AQP3: variants seen among roughly 807,000 people sequenced by gnomAD.
AQP3 encodes aquaporin 3 (Gill blood group), also known as aquaporin-3.
In AQP3, 15 loss-of-function variants were observed where a neutral mutation model predicts 30.3. That is an observed-to-expected ratio of 0.49 (90% CI 0.33 to 0.76). AQP3 has a LOEUF of 0.76. Ranked by LOEUF, AQP3 falls within the 30% of genes least tolerant of loss-of-function variation. The pLI is 0.02. For synonymous variants in AQP3, 153 were observed against 163.2 expected, an observed-to-expected ratio of 0.94 and a Z score of 0.47; for missense variants, 272 against 384.8, an observed-to-expected ratio of 0.71 and a Z score of 2.45.
intron 1 of AQP3, among the ~76,000 whole-genome samples, chr9:33,445,641 T>G (rs1015284362): frequency 2.0e-5 from 3 of 152,106 alleles, no homozygotes; most frequent in African/African-American, 7.2e-5. Flanking sequence ...GGAGGAGCTG[T>G]CAGAGCCAGT....
chr9:33,445,175 C>T (rs1826897325), intron 1 of AQP3, among the ~76,000 whole-genome samples: 1 of 152,146 alleles, frequency 6.6e-6, no homozygotes, highest in Non-Finnish European at 1.5e-5. Flanking sequence ...TCCCCTTGTT[C>T]AAGCCTGAAA....
rs1457736941 is a variant in AQP3, at chr9:33,441,176, ATTTT to A, written c.*863_*866del. The A allele has an allele frequency of 1.3e-5, 2 of 152,528 alleles. No homozygotes were observed. Among genetic ancestry groups the A allele is most frequent in the Non-Finnish European group, 2.9e-5 (2 of 68,028 alleles). The allele number at this position is 152,528 out of a possible 1,614,324, so 9.4% of individuals were successfully genotyped here. ...AACTGGAGGTTTTAGGCACATATTT[ATTTT>A]ATTTTTTTTAATATAAAAGTAAAAG... On this transcript the variant is annotated 3_prime_UTR_variant, in exon 6 of 6. Transcript: ENST00000297991.
intron 1 of AQP3, among the ~76,000 whole-genome samples, chr9:33,446,694 C>G (rs993104767): frequency 1.1e-4 from 16 of 152,152 alleles, no homozygotes; most frequent in Non-Finnish European, 1.8e-4. Context: ...ACAGAGTAAC[C>G]AAGAGGCCAG....
Position 33,447,536 on chromosome 9 carries a change from G to A in AQP3, c.-6C>T, listed in dbSNP as rs1368719064. 2 of 1,589,200 alleles carry A rather than the reference G, an allele frequency of 1.3e-6. No individual in the cohort carries two copies. The highest frequency in any genetic ancestry group is 1.7e-6 in the Non-Finnish European group (2 of 1,167,076). On this transcript the variant is annotated 5_prime_UTR_variant, in exon 1 of 6. Coordinates refer to ENST00000297991, the MANE Select transcript of AQP3 (RefSeq NM_004925.5). ...AGCTCCTTCTGTCGACCCATGGCGG[G>A]GCAGGCGGCGGCGCTGTCGGGCGGG...
At position 33,441,925 on chromosome 9, in the gene AQP3, A is replaced by C. The variant is rs760266702; in HGVS notation, c.*118T>G. On this transcript the variant is annotated 3_prime_UTR_variant, in exon 6 of 6. Transcript: ENST00000297991. Reference sequence around the variant, plus strand: ...GCTGTCTCGTGGGGTGAGGGTAGATAGGGAGCTCCTTAGCCTGAAAGGGTG... The same window carrying C: ...GCTGTCTCGTGGGGTGAGGGTAGATCGGGAGCTCCTTAGCCTGAAAGGGTG... The C allele has an allele frequency of 2.1e-6, 3 of 1,456,600 alleles. No homozygotes were observed. Among genetic ancestry groups the C allele is most frequent in the Non-Finnish European group, 9.3e-7 (1 of 1,073,036 alleles). The allele number at this position is 1,456,600 out of a possible 1,614,324, so 90.2% of individuals were successfully genotyped here. A position where few individuals can be genotyped will look rare whatever the true frequency, so the allele number is the denominator to read the frequency against.
At position 33,447,581 on chromosome 9, in the gene AQP3, T is replaced by C. The variant is rs17553719; in HGVS notation, c.-51A>G. On this transcript the variant is annotated 5_prime_UTR_variant, in exon 1 of 6. Coordinates refer to ENST00000297991, the MANE Select transcript of AQP3 (RefSeq NM_004925.5). ...GGCGGGCAGGGGTGGCGGGAGGCGG[T>C]GGCGCAGCGAGCAGCGGCCTCCAGC... 0.25 allele frequency: 348,911 copies of C among 1,422,328 alleles called. 44,016 individuals carry two copies. The highest frequency in any genetic ancestry group is 0.33 in the African/African-American group (23,430 of 70,124). 88.1% of individuals were successfully genotyped at this position (1,422,328 alleles called of 1,614,324 possible).
Position 33,443,025 on chromosome 9 carries a change from C to A in AQP3, c.374-55G>T. The stretch of plus-strand genomic sequence containing the variant: ...GGGGGAGAGGCCTGAGCCCAGACTT[C>A]CCTCTCAGGTGTGCCCTCCCCACCC... On this transcript the variant is annotated intron_variant, in intron 3 of 5. Transcript: ENST00000297991. This position sits in a 1 kb window ranked among gnomAD's most constrained non-coding sequence, Gnocchi z 5.0. 2.6e-6 allele frequency: 4 copies of A among 1,520,784 alleles called. No homozygotes were observed. The highest frequency in any genetic ancestry group is 3.6e-6 in the Non-Finnish European group (4 of 1,096,000). 94.2% of individuals were successfully genotyped at this position (1,520,784 alleles called of 1,614,324 possible). A position where few individuals can be genotyped will look rare whatever the true frequency, so the allele number is the denominator to read the frequency against.
Position 33,443,165 on chromosome 9 carries a change from T to G in AQP3, c.373+156A>C. ...TTATTGCCCAACTTGTTTCTTTCCCTTCGTGCCCCCTACCTTGACCCTGTG... is the reference window on the plus strand; with the variant it reads ...TTATTGCCCAACTTGTTTCTTTCCCGTCGTGCCCCCTACCTTGACCCTGTG... On this transcript the variant is annotated intron_variant, in intron 3 of 5. Coordinates refer to ENST00000297991, the MANE Select transcript of AQP3 (RefSeq NM_004925.5). This position sits in a 1 kb window ranked among gnomAD's most constrained non-coding sequence, Gnocchi z 5.0. The G allele has an allele frequency of 8.0e-7, 1 of 1,251,726 alleles. No homozygotes were observed. Among genetic ancestry groups the G allele is most frequent in the Non-Finnish European group, 1.1e-6 (1 of 885,308 alleles). 77.5% of individuals were successfully genotyped at this position (1,251,726 alleles called of 1,614,324 possible). A position where few individuals can be genotyped will look rare whatever the true frequency, so the allele number is the denominator to read the frequency against.
Position 33,443,979 on chromosome 9 carries a change from C to G in AQP3, c.109-87G>C. 6.6e-7 allele frequency: 1 copy of G among 1,521,364 alleles called. No homozygotes were observed. Among genetic ancestry groups the G allele is most frequent in the Non-Finnish European group, 8.9e-7 (1 of 1,119,266 alleles). 94.2% of individuals were successfully genotyped at this position (1,521,364 alleles called of 1,614,324 possible). A position where few individuals can be genotyped will look rare whatever the true frequency, so the allele number is the denominator to read the frequency against. ...GGGTGAAGCCAGCAACATGCCCACT[C>G]GCCACCACTGGGAGGACTAGAGGCG... On this transcript the variant is annotated intron_variant, in intron 1 of 5. Coordinates refer to ENST00000297991, the MANE Select transcript of AQP3 (RefSeq NM_004925.5). This position sits in a 1 kb window ranked among gnomAD's most constrained non-coding sequence, Gnocchi z 5.0.
intron 1 of AQP3, among the ~76,000 whole-genome samples, chr9:33,445,766 C>T (rs1439976204): frequency 6.6e-6 from 1 of 152,178 alleles, no homozygotes; most frequent in East Asian, 1.9e-4. Context: ...GCTTTCCTCA[C>T]CCCAAAGCCA....
Position 33,443,370 on chromosome 9 carries a change from C to T in AQP3, c.324G>A (p.Gln108=), listed in dbSNP as rs1231781389. 6.3e-7 allele frequency: 1 copy of T among 1,599,834 alleles called. No homozygotes were observed. The highest frequency in any genetic ancestry group is 8.5e-7 in the Non-Finnish European group (1 of 1,173,360). ...CAGCACCCAAGAAGGCTCCCAGCGT[C>T]TGTGCCAGGGTGTAGATGGGCAGCT... The part of the protein sequence containing the change: ...WIKLPIYTLA[Q]TLGAFLGAGI... Residue 108 remains glutamine, a synonymous_variant, in exon 3 of 6, where the codon CAG becomes CAA. Coordinates refer to ENST00000297991, the MANE Select transcript of AQP3 (RefSeq NM_004925.5). The surrounding 1 kb of genome is among the most constrained non-coding windows in gnomAD (Gnocchi z 5.0).
chr9:33,442,797 A>G, intron 4 of AQP3, 55 bp downstream of exon 4: 1 of 1,537,494 alleles, frequency 6.5e-7, no homozygotes, highest in African/African-American at 1.4e-5. Flanking sequence ...CCCATGAGCT[A>G]CCAAGGCAAC....
At position 33,447,551 on chromosome 9, in the gene AQP3, T is replaced by A; in HGVS notation, c.-21A>T. 6.4e-7 allele frequency: 1 copy of A among 1,568,264 alleles called. No homozygotes were observed. Among genetic ancestry groups the A allele is most frequent in the Non-Finnish European group, 8.7e-7 (1 of 1,153,478 alleles). Reference sequence around the variant, plus strand: ...CCCATGGCGGGGCAGGCGGCGGCGCTGTCGGGCGGGCAGGGGTGGCGGGAG... The same window carrying A: ...CCCATGGCGGGGCAGGCGGCGGCGCAGTCGGGCGGGCAGGGGTGGCGGGAG... On this transcript the variant is annotated 5_prime_UTR_variant, in exon 1 of 6. Coordinates refer to ENST00000297991, the MANE Select transcript of AQP3 (RefSeq NM_004925.5).
chr9:33,443,260 C>G lies in AQP3; in HGVS notation c.373+61G>C. The G allele has an allele frequency of 6.4e-7, 1 of 1,552,158 alleles. No homozygotes were observed. Among genetic ancestry groups the G allele is most frequent in the South Asian group, 1.2e-5 (1 of 84,126 alleles). ...CCGTCTGTCATCAAAAGGCCTGGTGCCAGCAGGTCCTGAACAGAGGGACGG... is the reference window on the plus strand; with the variant it reads ...CCGTCTGTCATCAAAAGGCCTGGTGGCAGCAGGTCCTGAACAGAGGGACGG... On this transcript the variant is annotated intron_variant, in intron 3 of 5. Coordinates refer to ENST00000297991, the MANE Select transcript of AQP3 (RefSeq NM_004925.5). This position sits in a 1 kb window ranked among gnomAD's most constrained non-coding sequence, Gnocchi z 5.0.
chr9:33,444,765 C>T (rs1269738582), intron 1 of AQP3, among the ~76,000 whole-genome samples: 6 of 152,102 alleles, frequency 3.9e-5, no homozygotes, highest in South Asian at 4.2e-4. Context: ...CCTCAACAAC[C>T]TCCCCTTCCT....
Position 33,442,868 on chromosome 9 carries a change from T to TTGATCATATCCAAGTGTCCAGAGGGGTG in AQP3, c.475_476insCACCCCTCTGGACACTTGGATATGATCA (p.Asn159ThrfsTer14). 1 of 1,614,070 alleles carries TTGATCATATCCAAGTGTCCAGAGGGGTG rather than the reference T, an allele frequency of 6.2e-7. No homozygotes were observed. The highest frequency in any genetic ancestry group is 8.5e-7 in the Non-Finnish European group (1 of 1,179,906). On this transcript the variant is annotated frameshift_variant, in exon 4 of 6. Transcript: ENST00000297991. LOFTEE classifies it high-confidence loss of function. Reference sequence around the variant, plus strand: ...AGCCCATACCTGGTCAAAGAAGCCATTGATCATATCCAAGTGTCCAGAGGG... The same window carrying TTGATCATATCCAAGTGTCCAGAGGGGTG: ...AGCCCATACCTGGTCAAAGAAGCCATTGATCATATCCAAGTGTCCAGAGGGGTGTGATCATATCCAAGTGTCCAGAGGG...
intron 1 of AQP3, among the ~76,000 whole-genome samples, chr9:33,446,369 C>A (rs1826913872): frequency 6.6e-6 from 1 of 152,172 alleles, no homozygotes; most frequent in African/African-American, 2.4e-5. Context: ...TTTGGGGATC[C>A]CTACTTGCCC....
chr9:33,443,191 C>A lies in AQP3; in HGVS notation c.373+130G>T. ...TCGTGCCCCCTACCTTGACCCTGTG[C>A]GTGAATGAGTGAGTCATGAGCCCGG... On this transcript the variant is annotated intron_variant, in intron 3 of 5. Coordinates refer to ENST00000297991, the MANE Select transcript of AQP3 (RefSeq NM_004925.5). The surrounding 1 kb of genome is among the most constrained non-coding windows in gnomAD (Gnocchi z 5.0). 7.3e-7 allele frequency: 1 copy of A among 1,376,432 alleles called. No homozygotes were observed. Among genetic ancestry groups the A allele is most frequent in the Middle Eastern group, 1.8e-4 (1 of 5,594 alleles). 85.3% of individuals were successfully genotyped at this position (1,376,432 alleles called of 1,614,324 possible).
At position 33,441,835 on chromosome 9, in the gene AQP3, A is replaced by AC; in HGVS notation, c.*207dup. On this transcript the variant is annotated 3_prime_UTR_variant, in exon 6 of 6. Coordinates refer to ENST00000297991, the MANE Select transcript of AQP3 (RefSeq NM_004925.5). Reference sequence around the variant, plus strand: ...ATGTATTGACCCAAATTCCGGTTCCACCCCAGCTTAGGGGCAGTGGCCTAA... The same window carrying AC: ...ATGTATTGACCCAAATTCCGGTTCCACCCCCAGCTTAGGGGCAGTGGCCTAA... The AC allele has an allele frequency of 1.3e-6, 1 of 776,878 alleles. No individual in the cohort carries two copies. The highest frequency in any genetic ancestry group is 2.1e-6 in the Non-Finnish European group (1 of 477,858). 48.1% of individuals were successfully genotyped at this position (776,878 alleles called of 1,614,324 possible). A position where few individuals can be genotyped will look rare whatever the true frequency, so the allele number is the denominator to read the frequency against.
Sources: allele counts gnomAD v4.1 joint callset (sites outside exome capture counted in the v4.1 genomes callset), GRCh38; gene constraint gnomAD v4.1.1; non-coding constraint Gnocchi (gnomAD v3.1); transcripts MANE v1.5; gene names NCBI Gene and HGNC (gene_info 2026-07-23, HGNC 2026-07-21).